Variants in PEX16 observed in about 807,000 individuals in gnomAD.
PEX16 encodes the protein peroxin 16.
PEX16 carries 37 observed loss-of-function variants against 50.5 expected under a neutral mutation model. The ratio of observed to expected loss-of-function variants is 0.73; its 90% CI spans 0.56 to 0.96. The LOEUF (loss-of-function observed/expected upper bound fraction) is 0.96. PEX16 is among the 40% of genes least tolerant of loss of function. The probability of loss-of-function intolerance (pLI) is 0.00; values close to 1 mark genes in which losing one functional copy is unlikely to be tolerated. For synonymous variants in PEX16, 185 were observed against 190.3 expected (o/e 0.97, Z 0.23); for missense variants, 401 against 438.3 (o/e 0.91, Z 0.76).
chr11:45,918,098 T>G (rs2086859893), upstream of PEX16: 2 of 502,316 alleles, frequency 4.0e-6, no homozygotes, highest in Admixed American at 6.5e-5. Context: ...CCCAGCGCCG[T>G]CAGCACCCAG....
intron 9 of PEX16, 24 bp downstream of exon 9, chr11:45,913,795 G>C: frequency 6.2e-7 from 1 of 1,613,742 alleles, no homozygotes; most frequent in Non-Finnish European, 8.5e-7. Flanking sequence ...CCTCTCCCTG[G>C]CTCAGGGTGT....
intron 1 of PEX16, 62 bp downstream of exon 1, chr11:45,917,638 A>AGGGGGCCACTGGGGTCATAGGTC: frequency 2.0e-6 from 3 of 1,482,430 alleles, no homozygotes; most frequent in Non-Finnish European, 2.8e-6. Flanking sequence ...TCCGCAGGGA[A>AGGGGGCCACTGGGGTCATAGGTC]GGGGGCCACT....
At chr11:45,910,802 CAAG>C in intron 10 of PEX16, 93 bp downstream of exon 10, 1 of 1,174,552 alleles carries the variant, frequency 8.5e-7, no homozygotes, top group South Asian at 1.2e-5. Flanking sequence ...CTGACTGTGC[CAAG>C]AATCAAATTG....
intron 2 of PEX16, chr11:45,917,024 C>A (rs1368523924): frequency 2.1e-6 from 1 of 479,428 alleles, no homozygotes; most frequent in South Asian, 1.5e-5. Context: ...ACAGCAGTCA[C>A]TGGGCAAACA....
rs2086758432 is a variant in PEX16 at position 45,910,006 on chromosome 11, C to G, written c.*248G>C. On this transcript the variant is annotated 3_prime_UTR_variant, in exon 11 of 11. Coordinates refer to ENST00000378750, the MANE Select transcript of PEX16 (RefSeq NM_004813.4). ...TCACCGCTTTCTGTGGGAGAGGAGC[C>G]TGGATCCCACTCCTAGTGAAGGCTT... 1 of 1,271,002 alleles carries G rather than the reference C, an allele frequency of 7.9e-7. No individual in the cohort carries two copies. The highest frequency in any genetic ancestry group is 1.7e-5 in the Admixed American group (1 of 59,364). 78.7% of individuals were successfully genotyped at this position (1,271,002 alleles called of 1,614,324 possible). A position where few individuals can be genotyped will look rare whatever the true frequency, so the allele number is the denominator to read the frequency against.
At position 45,915,937 on chromosome 11, in the gene PEX16, T is replaced by C; in HGVS notation, c.226-101A>G. The C allele has an allele frequency of 3.4e-6, 4 of 1,167,956 alleles. No homozygotes were observed. The South Asian group carries it at 3.7e-5, about 11-fold the overall frequency. The allele number at this position is 1,167,956 out of a possible 1,614,324, so 72.3% of individuals were successfully genotyped here. A position where few individuals can be genotyped will look rare whatever the true frequency, so the allele number is the denominator to read the frequency against. The stretch of plus-strand genomic sequence containing the variant: ...CTTCTCTGACAAGAGATGTGGACCT[T>C]CCCCTTTCCAAGCCTAACTGTGCAG... On this transcript the variant is annotated intron_variant, in intron 3 of 10. Coordinates refer to ENST00000378750, the MANE Select transcript of PEX16 (RefSeq NM_004813.4).
chr11:45,917,591 G>A, intron 1 of PEX16, 98 bp from the exon 2 acceptor site: 7 of 1,526,008 alleles, frequency 4.6e-6, no homozygotes, highest in Non-Finnish European at 6.3e-6. Context: ...TGGGAACCTG[G>A]ACGGGTCTTC....
intron 2 of PEX16, 27 bp downstream of exon 2, chr11:45,917,431 A>G (rs369440732): frequency 6.2e-7 from 1 of 1,611,574 alleles, no homozygotes; most frequent in Non-Finnish European, 8.5e-7. Context: ...CCGATCCCCC[A>G]TCCCCCACCC....
At position 45,913,832 on chromosome 11, in the gene PEX16, C is replaced by T. The variant is rs757797918; in HGVS notation, c.874G>A (p.Asp292Asn). ...CTGGGTGCTTACTCGGAGAAGCGGT[C>T]ATAGAAAGGAGAGCGCAGCAGGTAG... ...LYYLLRSPFY[D>N]RFSEARILFL... The change falls in exon 9 of 11, where the codon GAC (aspartate) becomes AAC (asparagine). Residue 292 changes from aspartate (D) to asparagine (N), a missense_variant. Transcript: ENST00000378750. 38 of 1,613,808 alleles carry T rather than the reference C, an allele frequency of 2.4e-5. No homozygotes were observed. In the South Asian group the frequency reaches 3.8e-4, roughly 16 times the overall value.
At chr11:45,913,535 G>A (rs993519057) in intron 9 of PEX16, among the ~76,000 whole-genome samples, 5 of 152,200 alleles carry the variant, frequency 3.3e-5, no homozygotes, top group East Asian at 1.9e-4. Context: ...GGCCATGGGC[G>A]CCCGCCCTGT....
Position 45,910,879 on chromosome 11 carries a change from C to A in PEX16, c.952+19G>T, listed in dbSNP as rs369341299. The A allele has an allele frequency of 1.2e-6, 2 of 1,610,836 alleles. No individual in the cohort carries two copies. Among genetic ancestry groups the A allele is most frequent in the Admixed American group, 1.7e-5 (1 of 60,010 alleles). ...GCGCCTTCCAGCACTACAGTCATCG[C>A]GTCCCCATCCCTGCTTACTTGTGAC... On this transcript the variant is annotated intron_variant, in intron 10 of 10. Coordinates refer to ENST00000378750, the MANE Select transcript of PEX16 (RefSeq NM_004813.4).
In PEX16 at chr11:45,909,946, G is replaced by A. The variant is rs974232369; in HGVS notation, c.*308C>T. On this transcript the variant is annotated 3_prime_UTR_variant, in exon 11 of 11. Transcript: ENST00000378750. ...AGCAGTGTTCGCTCCTATGGCTGCC[G>A]AGGCGAGCAGCTTCCCGGGCTCCAT... 5.3e-5 allele frequency: 40 copies of A among 759,148 alleles called. No individual in the cohort carries two copies. In the Admixed American group the frequency reaches 5.9e-4, roughly 11 times the overall value. The allele number at this position is 759,148 out of a possible 1,614,324, so 47.0% of individuals were successfully genotyped here.
intron 9 of PEX16, among the ~76,000 whole-genome samples, chr11:45,913,502 GGAA>G (rs558402015): frequency 7.9e-4 from 120 of 152,386 alleles, no homozygotes; most frequent in African/African-American, 2.7e-3. Context: ...CTATTTGGCA[GGAA>G]GAAGTGGAAA....
chr11:45,911,360 C>G (rs1401175543), intron 9 of PEX16, among the ~76,000 whole-genome samples: 2 of 152,248 alleles, frequency 1.3e-5, no homozygotes, highest in Non-Finnish European at 2.9e-5. Context: ...TGCTGGGCTG[C>G]ATGGAAACCT....
In PEX16 at chr11:45,917,508, C is replaced by G; in HGVS notation, c.113-15G>C. On this transcript the variant is annotated splice_polypyrimidine_tract_variant and intron_variant, in intron 1 of 10. Transcript: ENST00000378750. ...GGCGAATCGACCTGGGGAGAGGGTA[C>G]AGAAGGAGGTGTGAGTGAGCATCTG... The G allele has an allele frequency of 6.2e-7, 1 of 1,613,944 alleles. No homozygotes were observed. Among genetic ancestry groups the G allele is most frequent in the South Asian group, 1.1e-5 (1 of 91,088 alleles).
rs781411790 is a variant in PEX16, at chr11:45,914,199, G to A, written c.699C>T (p.Leu233=). ...ACCTCTGACCCCACAGGCCCAGGCT[G>A]AGCACTGACGGCCAAGGCGTCAAGG... ...LYIARPLLHL[L]SLGLWGQRSW... is the part of the protein sequence containing the mutation. The change falls in exon 8 of 11, where the codon CTC becomes CTT. Residue 233 remains leucine, a synonymous_variant. Transcript: ENST00000378750. 5.6e-6 allele frequency: 9 copies of A among 1,613,276 alleles called. No individual in the cohort carries two copies. The highest frequency in any genetic ancestry group is 7.6e-6 in the Non-Finnish European group (9 of 1,179,784).
intron 9 of PEX16, among the ~76,000 whole-genome samples, chr11:45,911,212 C>T (rs538383923): frequency 1.3e-5 from 2 of 152,302 alleles, no homozygotes; most frequent in African/African-American, 4.8e-5. Flanking sequence ...CCTCCCATTC[C>T]TCTTTCCCCT....
upstream of PEX16, chr11:45,917,936 C>T (rs1590798328): frequency 2.7e-6 from 2 of 750,196 alleles, no homozygotes; most frequent in Non-Finnish European, 4.6e-6. Context: ...TTCCGCGGGC[C>T]AGAAGGCTGA....
intron 1 of PEX16, 58 bp downstream of exon 1, chr11:45,917,642 G>C (rs770104920): frequency 2.0e-6 from 3 of 1,483,970 alleles, no homozygotes; most frequent in Non-Finnish European, 1.8e-6. Context: ...CAGGGAAGGG[G>C]GCCACTGGGG....
Sources: allele counts gnomAD v4.1 joint callset (sites outside exome capture counted in the v4.1 genomes callset), GRCh38; gene constraint gnomAD v4.1.1; transcripts MANE v1.5; gene names NCBI Gene and HGNC (gene_info 2026-07-23, HGNC 2026-07-21).